Variants in KIAA1217 observed in about 807,000 individuals in gnomAD.
The protein encoded by KIAA1217 is KIAA1217, also known as sickle tail protein homolog.
A neutral mutation model predicts 163.9 loss-of-function variants in KIAA1217; 88 were observed. The observed-to-expected ratio is 0.54, with a 90% CI of 0.45 to 0.64. The LOEUF is 0.64. Among genes scored for constraint, KIAA1217 ranks in the 30% least tolerant of loss-of-function variants. KIAA1217 has a pLI of 0.00. For missense variants in KIAA1217, 2,372 were observed against 2,475.0 expected (o/e 0.96, Z 0.88); for synonymous variants, 903 against 923.1 (o/e 0.98, Z 0.39).
In KIAA1217 at chr10:24,543,927, A is replaced by G. The variant is rs2135495382; in HGVS notation, c.4657A>G (p.Asn1553Asp). 1 of 1,614,120 alleles carries G rather than the reference A, an allele frequency of 6.2e-7. No individual in the cohort carries two copies. The highest frequency in any genetic ancestry group is 2.2e-5 in the East Asian group (1 of 44,858). ...CAAGTTCAGCCACGTGGATTCTCCAAATTCGGAATGCAAGGGTGAGGACGC... is the reference window on the plus strand; with the variant it reads ...CAAGTTCAGCCACGTGGATTCTCCAGATTCGGAATGCAAGGGTGAGGACGC... ...LNKFSHVDSP[N>D]SECKGEDATD... Residue 1553 changes from asparagine to aspartate, a missense_variant, in exon 19 of 21, where the codon AAT (asparagine) becomes GAT (aspartate). Asn to Asp is a conservative substitution (Grantham distance 23). Coordinates refer to ENST00000376454, the MANE Select transcript of KIAA1217 (RefSeq NM_019590.5).
At chr10:24,233,581 T>C (rs2071755032) in intron 2 of KIAA1217, among the ~76,000 whole-genome samples, 1 of 152,194 alleles carries the variant, frequency 6.6e-6, no homozygotes, top group Non-Finnish European at 1.5e-5. Context: ...TTGCAAGTAG[T>C]TGAGGCTATC....
chr10:24,093,703 G>C (rs1268282828), intron 2 of KIAA1217, among the ~76,000 whole-genome samples: 1 of 150,938 alleles, frequency 6.6e-6, no homozygotes, highest in East Asian at 1.9e-4. Context: ...ACAATGTGCA[G>C]GTTAGTTACA....
At chr10:24,475,541 C>G (rs2063920168) in intron 6 of KIAA1217, among the ~76,000 whole-genome samples, 1 of 152,148 alleles carries the variant, frequency 6.6e-6, no homozygotes, top group Non-Finnish European at 1.5e-5. Context: ...ATTAATGAAA[C>G]AAAAGTTCTA....
intron 2 of KIAA1217, among the ~76,000 whole-genome samples, chr10:24,096,849 C>G (rs1043604435): frequency 4.6e-5 from 7 of 152,246 alleles, no homozygotes; most frequent in African/African-American, 1.7e-4. Context: ...AACCCCTCTT[C>G]TCTAAAAGGC....
At position 24,103,124 on chromosome 10, in the gene KIAA1217, T is replaced by C. The variant is rs142767611; in HGVS notation, c.-171+95750T>C. Reference sequence around the variant, plus strand: ...TTTATAAATTACCCAGTCTTGAGTATGTCTTTATTAGCTGTGTGAGAACAG... The same window carrying C: ...TTTATAAATTACCCAGTCTTGAGTACGTCTTTATTAGCTGTGTGAGAACAG... On this transcript the variant is annotated intron_variant, in intron 2 of 18. Coordinates refer to the KIAA1217 transcript ENST00000376462. Among the ~76,000 whole-genome samples, 261 of 152,296 alleles carry C rather than the reference T, an allele frequency of 1.7e-3. 3 individuals are homozygous for C. The East Asian group carries it at 0.032, about 18-fold the overall frequency.
chr10:24,187,789 C>T (rs1431727819), intron 2 of KIAA1217, among the ~76,000 whole-genome samples: 2 of 152,036 alleles, frequency 1.3e-5, no homozygotes, highest in Non-Finnish European at 2.9e-5. Context: ...ACTCAGGAGG[C>T]TGAGGCAGGA....
intron 2 of KIAA1217, among the ~76,000 whole-genome samples, chr10:24,104,708 C>T (rs997712696): frequency 6.6e-6 from 1 of 152,148 alleles, no homozygotes; most frequent in African/African-American, 2.4e-5. Context: ...ATAAATGTAC[C>T]ACTGTGATTC....
intron 2 of KIAA1217, among the ~76,000 whole-genome samples, chr10:24,188,469 G>A (rs1226727946): frequency 6.6e-6 from 1 of 152,112 alleles, no homozygotes; most frequent in East Asian, 1.9e-4. Flanking sequence ...ATCCAGCTTT[G>A]AACCTCTAGC....
chr10:24,250,124 T>G (rs1332320431), intron 2 of KIAA1217, among the ~76,000 whole-genome samples: 3 of 152,186 alleles, frequency 2.0e-5, no homozygotes, highest in Non-Finnish European at 4.4e-5. Flanking sequence ...AACTCACCCC[T>G]GAAGTCAAGC....
intron 2 of KIAA1217, among the ~76,000 whole-genome samples, chr10:24,378,631 T>A (rs1027295455): frequency 8.6e-6 from 1 of 116,356 alleles, no homozygotes; most frequent in African/African-American, 4.9e-5. Flanking sequence ...AAATGCTATT[T>A]TGACTTTTTT....
chr10:24,219,842 A>G lies in KIAA1217; in HGVS notation c.287A>G (p.His96Arg). 6.2e-7 allele frequency: 1 copy of G among 1,613,786 alleles called. No individual in the cohort carries two copies. The highest frequency in any genetic ancestry group is 8.5e-7 in the Non-Finnish European group (1 of 1,179,822). ...MDRKREAFLE[H>R]LKQKYPHHAS... ...CGGAAGAGAGAAGCGTTCCTAGAAC[A>G]TCTGAAGCAGAAGTACCCCCACCAC... Residue 96 changes from histidine (H) to arginine (R), a missense_variant, in exon 2 of 21, where the codon CAT becomes CGT. Physicochemically the swap from His to Arg is conservative, Grantham distance 29. Around this residue, in one of 3 missense-constraint regions of KIAA1217, gnomAD observed 1,431 missense variants for 1,470.3 expected, o/e 0.97. Coordinates refer to ENST00000376454, the MANE Select transcript of KIAA1217 (RefSeq NM_019590.5).
At chr10:23,824,656 AAAATATAT>A (rs1837803664) in intron 1 of KIAA1217, among the ~76,000 whole-genome samples, 1 of 82,316 alleles carries the variant, frequency 1.2e-5, no homozygotes, top group African/African-American at 5.7e-5. Context: ...AAAAATAAAA[AAAATATAT>A]ATATATATAT....
intron 2 of KIAA1217, among the ~76,000 whole-genome samples, chr10:24,253,734 A>G (rs571295909): frequency 6.6e-6 from 1 of 151,476 alleles, no homozygotes; most frequent in East Asian, 2.0e-4. Flanking sequence ...TCTGTCTCCA[A>G]AGAAAAAAAA....
chr10:24,236,355 AT>A (rs1334515003), intron 2 of KIAA1217, among the ~76,000 whole-genome samples: 1 of 152,026 alleles, frequency 6.6e-6, no homozygotes, highest in Non-Finnish European at 1.5e-5. Flanking sequence ...GATTCAAGCA[AT>A]TGTCCTGCCT....
At chr10:24,396,290 T>C (rs938786197) in intron 3 of KIAA1217, among the ~76,000 whole-genome samples, 6 of 151,988 alleles carry the variant, frequency 3.9e-5, no homozygotes, top group Admixed American at 1.3e-4. Flanking sequence ...AGAGCAGAGA[T>C]TGCGCCATTG....
At position 24,165,396 on chromosome 10, in the gene KIAA1217, G is replaced by A. The variant is rs148669658; in HGVS notation, c.-170-54230G>A. 3.0e-4 allele frequency among the ~76,000 whole-genome samples: 45 copies of A among 152,294 alleles called. No homozygotes were observed. The East Asian group carries it at 7.7e-3, about 26-fold the overall frequency. ...ATGGCTGTCACACAAGAGATGCTAG[G>A]AATGTGTCAGTGTTAGTGCAAGATG... On this transcript the variant is annotated intron_variant, in intron 2 of 18. Coordinates refer to the KIAA1217 transcript ENST00000376462.
intron 1 of KIAA1217, among the ~76,000 whole-genome samples, chr10:24,218,945 C>T (rs1296549952): frequency 6.6e-6 from 1 of 151,994 alleles, no homozygotes; most frequent in Non-Finnish European, 1.5e-5. Context: ...TTCAGAAACC[C>T]GACTGAGCTT....
chr10:24,314,099 A>C (rs952581581), intron 2 of KIAA1217, among the ~76,000 whole-genome samples: 9 of 152,056 alleles, frequency 5.9e-5, no homozygotes, highest in Non-Finnish European at 1.2e-4. Context: ...GATGAAGTCA[A>C]CCTTATTTAC....
In KIAA1217 at chr10:24,117,494, G is replaced by A. The variant is rs117725014; in HGVS notation, c.-170-102132G>A. Among the ~76,000 whole-genome samples, 564 of 152,244 alleles carry A rather than the reference G, an allele frequency of 3.7e-3. 12 individuals are homozygous for A. Among genetic ancestry groups the A allele is most frequent in the East Asian group, 0.034 (173 of 5,142 alleles). On this transcript the variant is annotated intron_variant, in intron 2 of 18. Coordinates refer to the KIAA1217 transcript ENST00000376462. ...ATCTCTACAAAAATTAGCTGGGTGTGGTGAGTGTGCCTGTAGTCCCAGCTA... is the reference window on the plus strand; with the variant it reads ...ATCTCTACAAAAATTAGCTGGGTGTAGTGAGTGTGCCTGTAGTCCCAGCTA...
Sources: gnomAD v4.1 joint callset for allele counts (sites outside exome capture counted in the v4.1 genomes callset) on GRCh38, gnomAD v4.1.1 for gene constraint, gnomAD v4.1.1 regional missense constraint, MANE v1.5 for transcripts, NCBI Gene and HGNC (gene_info 2026-07-23, HGNC 2026-07-21) for gene names.